The following C3orf70 variants were observed in gnomAD, a reference collection of about 807,000 sequenced individuals.
C3orf70 encodes the protein chromosome 3 open reading frame 70.
Under a neutral mutation model 20.7 loss-of-function variants are expected in C3orf70, and 15 were observed. The ratio of observed to expected loss-of-function variants is 0.72; its 90% CI spans 0.48 to 1.11. The LOEUF (loss-of-function observed/expected upper bound fraction) is 1.11, where lower values mean the gene tolerates loss of function less well. Ranked by LOEUF, C3orf70 falls within the 50% of genes most tolerant of loss-of-function variation. C3orf70 has a pLI of 0.00. For missense variants in C3orf70, 332 were observed against 317.6 expected (o/e 1.05, Z -0.34); for synonymous variants, 161 against 125.7 (o/e 1.28, Z -1.88).
At chr3:185,142,449 T>C (rs554200777) in intron 1 of C3orf70, among the ~76,000 whole-genome samples, 1 of 152,256 alleles carries the variant, frequency 6.6e-6, no homozygotes, top group East Asian at 1.9e-4. Context: ...AAGAATCAAT[T>C]TGTCTACAGT....
chr3:185,091,937 A>T (rs1577318896), intron 1 of C3orf70, among the ~76,000 whole-genome samples: 5 of 11,044 alleles, frequency 4.5e-4, no homozygotes, highest in South Asian at 2.1e-3. Context: ...ATATATATAT[A>T]TATATATATA....
intron 1 of C3orf70, among the ~76,000 whole-genome samples, chr3:185,125,698 G>T (rs1558913): frequency 0.94 from 143,127 of 152,298 alleles, 67,290 homozygotes; most frequent in Non-Finnish European, 0.95. Flanking sequence ...CTCGACAGCA[G>T]GGATGAATCT....
At chr3:185,090,239 T>C (rs1227668490) in intron 1 of C3orf70, among the ~76,000 whole-genome samples, 2 of 152,188 alleles carry the variant, frequency 1.3e-5, no homozygotes, top group African/African-American at 4.8e-5. Context: ...AAGATGTTTC[T>C]TTCTCTTGGT....
chr3:185,092,905 C>T (rs1380185996), intron 1 of C3orf70, among the ~76,000 whole-genome samples: 1 of 151,090 alleles, frequency 6.6e-6, no homozygotes, highest in African/African-American at 2.4e-5. Context: ...ACAGGATAAT[C>T]GCTTGAACCC....
At chr3:185,087,577 C>CT (rs1035115822) in intron 1 of C3orf70, among the ~76,000 whole-genome samples, 92 of 152,312 alleles carry the variant, frequency 6.0e-4, no homozygotes, top group African/African-American at 2.2e-3. Flanking sequence ...GACAAATACT[C>CT]TGATTCCACT....
chr3:185,121,392 G>C (rs538767148), intron 1 of C3orf70, among the ~76,000 whole-genome samples: 38 of 151,586 alleles, frequency 2.5e-4, no homozygotes, highest in Admixed American at 9.2e-4. Context: ...GATTCTGTTA[G>C]AAAGAACAGG....
chr3:185,109,941 T>A (rs1030198234), intron 1 of C3orf70, among the ~76,000 whole-genome samples: 70 of 152,324 alleles, frequency 4.6e-4, no homozygotes, highest in Non-Finnish European at 7.8e-4. Flanking sequence ...TATGGAATCA[T>A]TATTAATTGG....
At chr3:185,133,019 T>C (rs1716554018) in intron 1 of C3orf70, among the ~76,000 whole-genome samples, 1 of 152,242 alleles carries the variant, frequency 6.6e-6, no homozygotes, top group Admixed American at 6.5e-5. Flanking sequence ...AAGTCTATCA[T>C]ACTGTCACAG....
intron 1 of C3orf70, among the ~76,000 whole-genome samples, chr3:185,095,806 G>T (rs927324697): frequency 6.9e-6 from 1 of 145,496 alleles, no homozygotes; most frequent in Non-Finnish European, 1.5e-5. Flanking sequence ...GCACGATCTC[G>T]GCTCACTGCA....
intron 1 of C3orf70, among the ~76,000 whole-genome samples, chr3:185,093,134 A>T (rs1035774020): frequency 3.3e-5 from 5 of 152,186 alleles, no homozygotes; most frequent in African/African-American, 1.2e-4. Flanking sequence ...TCCCAGTATC[A>T]TGCTGATATC....
chr3:185,133,124 C>T (rs747218288), intron 1 of C3orf70, among the ~76,000 whole-genome samples: 4 of 152,052 alleles, frequency 2.6e-5, no homozygotes, highest in Non-Finnish European at 4.4e-5. Flanking sequence ...ACTGAGATAC[C>T]ATTTCTCACT....
chr3:185,133,742 C>CAAAACA (rs1716567562), intron 1 of C3orf70, among the ~76,000 whole-genome samples: 2 of 151,702 alleles, frequency 1.3e-5, no homozygotes, highest in Admixed American at 6.6e-5. Context: ...AGACTTGTCT[C>CAAAACA]AAAACAAAAA....
At chr3:185,095,240 G>C (rs778809296) in intron 1 of C3orf70, among the ~76,000 whole-genome samples, 1 of 152,152 alleles carries the variant, frequency 6.6e-6, no homozygotes, top group Non-Finnish European at 1.5e-5. Context: ...TGAGTTACTA[G>C]ACTGACCAAC....
chr3:185,132,542 G>A (rs1399751575), intron 1 of C3orf70, among the ~76,000 whole-genome samples: 3 of 151,958 alleles, frequency 2.0e-5, no homozygotes, highest in Non-Finnish European at 2.9e-5. Flanking sequence ...AAGCATATCC[G>A]AAGAAATTCT....
intron 1 of C3orf70, among the ~76,000 whole-genome samples, chr3:185,120,033 A>AAAAAAAAGAAAAAG (rs55921240): frequency 4.0e-5 from 4 of 100,784 alleles, no homozygotes; most frequent in Non-Finnish European, 7.1e-5. Context: ...AAAAAAAAAA[A>AAAAAAAAGAAAAAG]AAAAAGAAAA....
At chr3:185,151,575 T>C (rs1716989712) in intron 1 of C3orf70, among the ~76,000 whole-genome samples, 1 of 152,244 alleles carries the variant, frequency 6.6e-6, no homozygotes, top group Non-Finnish European at 1.5e-5. Context: ...TCCTCTATCC[T>C]TGAATTCATA....
chr3:185,087,974 C>T (rs1577317479), intron 1 of C3orf70, among the ~76,000 whole-genome samples: 1 of 149,998 alleles, frequency 6.7e-6, no homozygotes. Context: ...GGCAATAGCA[C>T]GATCTTGGCT....
chr3:185,093,511 C>T (rs1233635198), intron 1 of C3orf70, among the ~76,000 whole-genome samples: 1 of 152,110 alleles, frequency 6.6e-6, no homozygotes, highest in African/African-American at 2.4e-5. Flanking sequence ...CAAGCAACCA[C>T]CAGTGAACAA....
chr3:185,117,518 T>C (rs937041487), intron 1 of C3orf70, among the ~76,000 whole-genome samples: 2 of 151,728 alleles, frequency 1.3e-5, no homozygotes, highest in Admixed American at 1.3e-4. Context: ...AACAAAAATA[T>C]GGTATTAAAA....
Sources: gnomAD v4.1 joint callset for allele counts (sites outside exome capture counted in the v4.1 genomes callset) on GRCh38, gnomAD v4.1.1 for gene constraint, MANE v1.5 for transcripts, NCBI Gene and HGNC (gene_info 2026-07-23, HGNC 2026-07-21) for gene names.